BLOC1S3: variants seen among roughly 807,000 people sequenced by gnomAD.
BLOC1S3 encodes the protein biogenesis of lysosomal organelles complex 1 subunit 3.
BLOC1S3 carries 7 observed loss-of-function variants against 9.1 expected under a neutral mutation model. That is an observed-to-expected ratio of 0.77 (90% CI 0.44 to 1.45). The LOEUF is 1.45. Among genes scored for constraint, BLOC1S3 ranks in the 40% most tolerant of loss-of-function variants. BLOC1S3 has a pLI of 0.01. For missense variants in BLOC1S3, 307 were observed against 315.2 expected (o/e 0.97, Z 0.20); for synonymous variants, 145 against 158.4 (o/e 0.92, Z 0.64).
chr19:45,188,774 G>A (rs184819632), intron 2 of BLOC1S3, among the ~76,000 whole-genome samples: 74 of 151,516 alleles, frequency 4.9e-4, no homozygotes, highest in Admixed American at 3.2e-3. Context: ...GTTTCACCAC[G>A]TTGGTCAGAC....
chr19:45,210,631 G>A (rs1388390311), intron 3 of BLOC1S3, among the ~76,000 whole-genome samples: 2 of 151,306 alleles, frequency 1.3e-5, no homozygotes, highest in Admixed American at 1.3e-4. Context: ...ATGAGACAAG[G>A]TCTCACCTAT....
At position 45,213,002 on chromosome 19, in the gene BLOC1S3, C is replaced by T. The variant is rs985913542; in HGVS notation, n.283-3674C>T. 4.1e-5 allele frequency: 57 copies of T among 1,405,718 alleles called. No homozygotes were observed. The Middle Eastern group carries it at 1.0e-3, about 26-fold the overall frequency. 87.1% of individuals were successfully genotyped at this position (1,405,718 alleles called of 1,614,324 possible). Reference sequence around the variant, plus strand: ...GTCCCAGGCAGGGAGTCAGGAGGGGCGCCGTACGGGAGGTTGGCTTGTCAG... The same window carrying T: ...GTCCCAGGCAGGGAGTCAGGAGGGGTGCCGTACGGGAGGTTGGCTTGTCAG... On this transcript the variant is annotated intron_variant and non_coding_transcript_variant, in intron 3 of 3. Coordinates refer to the BLOC1S3 transcript ENST00000591569.
rs2122882579 is a variant in BLOC1S3, at chr19:45,179,743, C to G, written c.447C>G (p.Ala149=). The G allele has an allele frequency of 6.8e-7, 1 of 1,463,076 alleles. No individual in the cohort carries two copies. Among genetic ancestry groups the G allele is most frequent in the South Asian group, 1.4e-5 (1 of 73,772 alleles). 90.6% of individuals were successfully genotyped at this position (1,463,076 alleles called of 1,614,324 possible). The part of the protein sequence containing the change: ...VAALASRLAA[A]QAAGLAAAHS... ...CCCTGGCTAGTAGGCTGGCGGCAGC[C>G]CAGGCGGCGGGGCTGGCGGCGGCCC... The change falls in exon 2 of 2, where the codon GCC becomes GCG. Residue 149 remains alanine (A), a synonymous_variant. Coordinates refer to ENST00000433642, the MANE Select transcript of BLOC1S3 (RefSeq NM_212550.5). This position sits in a 1 kb window ranked among gnomAD's most constrained non-coding sequence, Gnocchi z 4.6.
chr19:45,185,839 C>T (rs1376983691), downstream of BLOC1S3, among the ~76,000 whole-genome samples: 9 of 151,920 alleles, frequency 5.9e-5, no homozygotes, highest in South Asian at 2.1e-4. Flanking sequence ...GGGTCAGGTG[C>T]GGTGGCTCAT....
chr19:45,202,753 G>A (rs944810322), intron 3 of BLOC1S3, among the ~76,000 whole-genome samples: 10 of 152,062 alleles, frequency 6.6e-5, no homozygotes, highest in African/African-American at 2.2e-4. Flanking sequence ...AATGCGCTGG[G>A]TCACACCTGA....
rs1431339786 is a variant in BLOC1S3 at position 45,179,697 on chromosome 19, G to A, written c.401G>A (p.Arg134His). ...VAAAVSGVYR[R>H]AGRDVAALAS... is the part of the protein sequence containing the mutation. ...GCCGCCGTGAGCGGTGTCTACCGCC[G>A]TGCAGGCCGCGACGTGGCCGCCCTG... is the stretch of plus-strand genomic sequence containing the variant. Residue 134 changes from arginine to histidine, a missense_variant, in exon 2 of 2, where the codon CGT (arginine) becomes CAT (histidine). By Grantham distance (29) the Arg-to-His change is conservative. Coordinates refer to ENST00000433642, the MANE Select transcript of BLOC1S3 (RefSeq NM_212550.5). This position sits in a 1 kb window ranked among gnomAD's most constrained non-coding sequence, Gnocchi z 4.6. The A allele has an allele frequency of 1.4e-6, 2 of 1,462,044 alleles. No individual in the cohort carries two copies. Among genetic ancestry groups the A allele is most frequent in the Non-Finnish European group, 1.8e-6 (2 of 1,113,658 alleles). The allele number at this position is 1,462,044 out of a possible 1,614,324, so 90.6% of individuals were successfully genotyped here.
At chr19:45,184,903 C>CAAAAAAA (rs71338752), downstream of BLOC1S3, among the ~76,000 whole-genome samples, 149 of 48,288 alleles carry the variant, frequency 3.1e-3, 11 homozygotes, top group African/African-American at 0.01. Context: ...CTGTCTCAAA[C>CAAAAAAA]AAAAAAAAAA....
At chr19:45,188,040 TGA>T (rs1009915766) in intron 2 of BLOC1S3, among the ~76,000 whole-genome samples, 3 of 152,090 alleles carry the variant, frequency 2.0e-5, no homozygotes, top group African/African-American at 7.2e-5. Context: ...CATTTTTTTT[TGA>T]GAGAGAGCCT....
upstream of BLOC1S3, among the ~76,000 whole-genome samples, chr19:45,187,060 G>A (rs772681436): frequency 1.3e-5 from 2 of 152,196 alleles, no homozygotes; most frequent in Non-Finnish European, 2.9e-5. Flanking sequence ...CTCATCAGTA[G>A]AAACCTGAGC....
chr19:45,191,614 T>C (rs1427114191), intron 2 of BLOC1S3, among the ~76,000 whole-genome samples: 1 of 152,242 alleles, frequency 6.6e-6, no homozygotes, highest in African/African-American at 2.4e-5. Flanking sequence ...TCTAAGTCTT[T>C]AGTCACTGCA....
intron 3 of BLOC1S3, among the ~76,000 whole-genome samples, chr19:45,204,967 C>T (rs1353230092): frequency 1.3e-5 from 2 of 151,836 alleles, no homozygotes; most frequent in Non-Finnish European, 2.9e-5. Context: ...CTCCTGACCT[C>T]GCGTAATCCC....
rs1006932406 is a variant in BLOC1S3 at position 45,180,794 on chromosome 19, T to A, written c.*889T>A. ...CAGGCTGGAGTACAGTGGCGTGATC[T>A]CGGCTCACTGCCACCTCCACCTCCC... is the stretch of plus-strand genomic sequence containing the variant. On this transcript the variant is annotated 3_prime_UTR_variant, in exon 2 of 2. Transcript: ENST00000433642. 6.1e-6 allele frequency: 1 copy of A among 164,874 alleles called. No homozygotes were observed. Among genetic ancestry groups the A allele is most frequent in the African/African-American group, 2.4e-5 (1 of 41,438 alleles). The allele number at this position is 164,874 out of a possible 1,614,324, so 10.2% of individuals were successfully genotyped here.
chr19:45,208,340 C>T (rs10415983), intron 3 of BLOC1S3, among the ~76,000 whole-genome samples: 40,133 of 151,928 alleles, frequency 0.26, 6,218 homozygotes, highest in African/African-American at 0.4. Flanking sequence ...GGTGCCATCG[C>T]TCATACCTGT....
chr19:45,183,001 G>A (rs1054638076), downstream of BLOC1S3, among the ~76,000 whole-genome samples: 9 of 152,298 alleles, frequency 5.9e-5, no homozygotes, highest in Non-Finnish European at 1.2e-4. Context: ...AGGGTGAAGA[G>A]TTGCAGACAG....
At chr19:45,192,825 C>T (rs942087155) in intron 2 of BLOC1S3, among the ~76,000 whole-genome samples, 23 of 152,066 alleles carry the variant, frequency 1.5e-4, no homozygotes, top group Admixed American at 5.2e-4. Context: ...TCCCGCTTAT[C>T]TCCTCCAGTG....
intron 3 of BLOC1S3, among the ~76,000 whole-genome samples, chr19:45,207,793 C>T (rs114264708): frequency 6.6e-6 from 1 of 152,154 alleles, no homozygotes; most frequent in African/African-American, 2.4e-5. Flanking sequence ...CAGGTGCACA[C>T]GCATACACCT....
At chr19:45,193,006 G>A (rs531119800) in intron 2 of BLOC1S3, among the ~76,000 whole-genome samples, 15 of 149,774 alleles carry the variant, frequency 1.0e-4, no homozygotes, top group Admixed American at 5.3e-4. Flanking sequence ...TGTGGCACAC[G>A]CGTGTAATCC....
chr19:45,184,844 G>A (rs1375151313), downstream of BLOC1S3, among the ~76,000 whole-genome samples: 1 of 144,092 alleles, frequency 6.9e-6, no homozygotes, highest in East Asian at 2.1e-4. Context: ...AGCGTGCGGT[G>A]AGCCAAGATA....
intron 2 of BLOC1S3, among the ~76,000 whole-genome samples, chr19:45,201,914 G>T (rs977718081): frequency 6.6e-6 from 1 of 152,070 alleles, no homozygotes; most frequent in African/African-American, 2.4e-5. Flanking sequence ...ATTCTGTCTT[G>T]CCTGCCACCA....
Sources: allele counts gnomAD v4.1 joint callset (sites outside exome capture counted in the v4.1 genomes callset), GRCh38; gene constraint gnomAD v4.1.1; non-coding constraint Gnocchi (gnomAD v3.1); transcripts MANE v1.5; gene names NCBI Gene and HGNC (gene_info 2026-07-23, HGNC 2026-07-21).